Variants in DIAPH3 observed in about 807,000 individuals in gnomAD.
DIAPH3 encodes the protein diaphanous related formin 3, also known as protein diaphanous homolog 3.
DIAPH3 carries 117 observed loss-of-function variants against 144.3 expected under a neutral mutation model. The observed-to-expected ratio is 0.81, with a 90% confidence interval of 0.70 to 0.95. The LOEUF (loss-of-function observed/expected upper bound fraction) is 0.95, where lower values mean the gene tolerates loss of function less well. Ranked by LOEUF, DIAPH3 falls within the 40% of genes least tolerant of loss-of-function variation. The probability of loss-of-function intolerance (pLI) is 0.00; values close to 1 mark genes in which losing one functional copy is unlikely to be tolerated. For synonymous variants in DIAPH3, 519 were observed against 488.9 expected, an observed-to-expected ratio of 1.06 and a Z score of -0.81; for missense variants, 1,421 against 1,412.7, an observed-to-expected ratio of 1.01 and a Z score of -0.09.
intron 2 of DIAPH3, among the ~76,000 whole-genome samples, chr13:60,130,687 T>C (rs907663793): frequency 2.0e-5 from 3 of 152,184 alleles, no homozygotes; most frequent in Non-Finnish European, 2.9e-5. Context: ...CCAGAAAGCA[T>C]GCTAGGTACT....
intron 4 of DIAPH3, among the ~76,000 whole-genome samples, chr13:60,090,615 A>C (rs944217028): frequency 6.6e-6 from 1 of 152,178 alleles, no homozygotes. Context: ...ATGTATCCAT[A>C]AACTTTGATT....
chr13:59,666,906 G>T, intron 27 of DIAPH3, 60 bp from the exon 28 acceptor site: 3 of 1,573,992 alleles, frequency 1.9e-6, no homozygotes, highest in South Asian at 1.1e-5. Flanking sequence ...GACTGTGCAC[G>T]TTATGAAACA....
At chr13:60,094,944 C>T (rs1176902554) in intron 3 of DIAPH3, among the ~76,000 whole-genome samples, 1 of 152,068 alleles carries the variant, frequency 6.6e-6, no homozygotes, top group Non-Finnish European at 1.5e-5. Context: ...TGTTTTGTTT[C>T]GTTTTTTTCT....
intron 17 of DIAPH3, among the ~76,000 whole-genome samples, chr13:59,958,575 A>G (rs1372442902): frequency 6.6e-6 from 1 of 152,094 alleles, no homozygotes; most frequent in African/African-American, 2.4e-5. Context: ...TATAGAAAGT[A>G]TTTCCAGGTT....
intron 25 of DIAPH3, among the ~76,000 whole-genome samples, chr13:59,808,049 T>C (rs1318937421): frequency 6.6e-6 from 1 of 151,684 alleles, no homozygotes; most frequent in African/African-American, 2.4e-5. Context: ...TAGAGTACAG[T>C]CATATTATAA....
intron 27 of DIAPH3, among the ~76,000 whole-genome samples, chr13:59,756,646 T>C (rs2037293821): frequency 6.6e-6 from 1 of 152,080 alleles, no homozygotes; most frequent in Non-Finnish European, 1.5e-5. Flanking sequence ...AGACTAAGGT[T>C]AGTCACAGTT....
intron 17 of DIAPH3, among the ~76,000 whole-genome samples, chr13:59,939,069 A>C (rs2048395538): frequency 6.6e-6 from 1 of 152,174 alleles, no homozygotes; most frequent in Non-Finnish European, 1.5e-5. Context: ...TGTAGGAATC[A>C]TGTAGTTAAA....
At position 60,163,890 on chromosome 13, in the gene DIAPH3, A is replaced by C. The variant is rs1291616153; in HGVS notation, c.-124T>G. The C allele has an allele frequency of 1.2e-5, 15 of 1,262,934 alleles. No individual in the cohort carries two copies. In the Middle Eastern group the frequency reaches 3.3e-3, roughly 276 times the overall value. The allele number at this position is 1,262,934 out of a possible 1,614,324, so 78.2% of individuals were successfully genotyped here. ...GCCACCCAAACAGTCAGCACAGCCT[A>C]GCCCAACCGCTGAAGTCGGGGCCGC... On this transcript the variant is annotated 5_prime_UTR_variant, in exon 1 of 28. It removes the in-frame stop codon of an upstream open reading frame in the 5' UTR. Transcript: ENST00000400324.
chr13:59,712,282 T>C (rs548858899), intron 27 of DIAPH3, among the ~76,000 whole-genome samples: 2 of 152,344 alleles, frequency 1.3e-5, no homozygotes, highest in South Asian at 4.1e-4. Context: ...GCTAGGTAGC[T>C]GCAGACATGG....
intron 4 of DIAPH3, among the ~76,000 whole-genome samples, chr13:60,050,840 TAGA>T (rs1309288178): frequency 5.6e-5 from 8 of 141,988 alleles, no homozygotes; most frequent in South Asian, 2.3e-4. Context: ...GGAGGTCAGT[TAGA>T]AGACTACTGC....
At chr13:59,674,593 C>T (rs968396808) in intron 27 of DIAPH3, among the ~76,000 whole-genome samples, 11 of 152,214 alleles carry the variant, frequency 7.2e-5, no homozygotes, top group African/African-American at 1.2e-4. Context: ...CTCTCCATCA[C>T]GATCTCACAG....
chr13:59,932,552 T>A (rs1179703642), intron 17 of DIAPH3, among the ~76,000 whole-genome samples: 1 of 152,064 alleles, frequency 6.6e-6, no homozygotes, highest in Non-Finnish European at 1.5e-5. Context: ...AAAAAACAAA[T>A]ACAAGCAACC....
At chr13:60,142,922 T>C (rs2152858) in intron 1 of DIAPH3, among the ~76,000 whole-genome samples, 25 of 147,910 alleles carry the variant, frequency 1.7e-4, no homozygotes, top group Admixed American at 2.7e-4. Flanking sequence ...ATTTTTTTTT[T>C]CTTTTTTTTT....
At chr13:59,817,276 A>G (rs893720382) in intron 24 of DIAPH3, among the ~76,000 whole-genome samples, 2 of 151,940 alleles carry the variant, frequency 1.3e-5, no homozygotes, top group Admixed American at 1.3e-4. Context: ...CTTATCAGTA[A>G]GTTAAAGAAC....
chr13:60,097,787 AAAG>A (rs1378808631), intron 3 of DIAPH3, among the ~76,000 whole-genome samples: 1 of 150,096 alleles, frequency 6.7e-6, no homozygotes, highest in African/African-American at 2.5e-5. Context: ...AGAAAAAAAA[AAAG>A]AGAGAGAGAG....
intron 22 of DIAPH3, among the ~76,000 whole-genome samples, chr13:59,850,120 G>C (rs1176757148): frequency 6.6e-6 from 1 of 151,578 alleles, no homozygotes; most frequent in Non-Finnish European, 1.5e-5. Flanking sequence ...CTCTCTGTTT[G>C]TCTGTTGTTG....
chr13:60,140,685 T>G (rs899221112), intron 1 of DIAPH3, among the ~76,000 whole-genome samples: 1 of 152,126 alleles, frequency 6.6e-6, no homozygotes, highest in South Asian at 2.1e-4. Flanking sequence ...GTTGTCTCAA[T>G]AAGCATATTT....
chr13:60,132,968 T>G lies in DIAPH3; in HGVS notation c.202A>C (p.Thr68Pro), dbSNP rs750637072. The change falls in exon 2 of 28, where the codon ACG becomes CCG. Residue 68 changes from threonine to proline, a missense_variant. Transcript: ENST00000400324. ...GAGGATAATCTTACCATATCATCCG[T>G]CAGTGTCCTAATATTTAAATGCTGC... ...PKFHLNIRTL[T>P]DDMLDKFASI... is the part of the protein sequence containing the mutation. 5 of 1,607,218 alleles carry G rather than the reference T, an allele frequency of 3.1e-6. No homozygotes were observed.
At chr13:59,740,621 G>A (rs1189498204) in intron 27 of DIAPH3, among the ~76,000 whole-genome samples, 5 of 152,146 alleles carry the variant, frequency 3.3e-5, no homozygotes. Context: ...ACAGAAGGAA[G>A]TAAAAGCAAA....
Sources: allele counts gnomAD v4.1 joint callset (sites outside exome capture counted in the v4.1 genomes callset), GRCh38; gene constraint gnomAD v4.1.1; transcripts MANE v1.5; gene names NCBI Gene and HGNC (gene_info 2026-07-23, HGNC 2026-07-21).